The following MACROD2 variants were observed in gnomAD, a reference collection of about 807,000 sequenced individuals.
MACROD2 encodes the protein ADP-ribose glycohydrolase MACROD2.
MACROD2 carries 36 observed loss-of-function variants against 70.4 expected under a neutral mutation model. The ratio of observed to expected loss-of-function variants is 0.51; its 90% CI spans 0.39 to 0.68. The LOEUF is 0.68. MACROD2 is among the 30% of genes least tolerant of loss of function. The pLI is 0.00. For synonymous variants in MACROD2, 172 were observed against 178.8 expected, an observed-to-expected ratio of 0.96 and a Z score of 0.30; for missense variants, 496 against 538.4, an observed-to-expected ratio of 0.92 and a Z score of 0.78.
chr20:14,737,301 G>A (rs945479571), intron 5 of MACROD2, among the ~76,000 whole-genome samples: 1 of 152,142 alleles, frequency 6.6e-6, no homozygotes, highest in African/African-American at 2.4e-5. Flanking sequence ...TTTTGTGGCT[G>A]CAGAGTATTC....
intron 3 of MACROD2, among the ~76,000 whole-genome samples, chr20:14,274,140 T>A (rs1169916450): frequency 2.6e-5 from 4 of 152,202 alleles, no homozygotes; most frequent in East Asian, 3.8e-4. Context: ...CCCTAACTCA[T>A]TTTATGAGGC....
chr20:14,121,564 C>A (rs2054589559), intron 3 of MACROD2, among the ~76,000 whole-genome samples: 1 of 152,136 alleles, frequency 6.6e-6, no homozygotes, highest in Non-Finnish European at 1.5e-5. Flanking sequence ...TATTCAGTGA[C>A]CCTTCTATCT....
intron 6 of MACROD2, among the ~76,000 whole-genome samples, chr20:15,346,182 G>A (rs1229240297): frequency 6.6e-6 from 1 of 151,960 alleles, no homozygotes; most frequent in Non-Finnish European, 1.5e-5. Flanking sequence ...AAACTTCTGG[G>A]CTCAAGCAAT....
chr20:15,627,801 T>C (rs2049228117), intron 8 of MACROD2, among the ~76,000 whole-genome samples: 2 of 152,342 alleles, frequency 1.3e-5, no homozygotes, highest in Non-Finnish European at 2.9e-5. Flanking sequence ...TGGCCTTTCA[T>C]TAGCTTTACA....
chr20:14,138,627 G>T (rs2054830662), intron 3 of MACROD2, among the ~76,000 whole-genome samples: 1 of 152,028 alleles, frequency 6.6e-6, no homozygotes, highest in African/African-American at 2.4e-5. Context: ...CTGGGTGGGG[G>T]GAAAATGGGA....
chr20:14,783,925 T>C (rs1296932215), intron 5 of MACROD2, among the ~76,000 whole-genome samples: 5 of 152,170 alleles, frequency 3.3e-5, no homozygotes, highest in Non-Finnish European at 5.9e-5. Flanking sequence ...AGACATTAAG[T>C]CCTGAGCACT....
intron 8 of MACROD2, among the ~76,000 whole-genome samples, chr20:15,760,939 G>T (rs1368665058): frequency 6.6e-6 from 1 of 152,206 alleles, no homozygotes; most frequent in Non-Finnish European, 1.5e-5. Context: ...GAGTTTAAAT[G>T]AAACCTAGAA....
intron 12 of MACROD2, among the ~76,000 whole-genome samples, chr20:15,953,314 T>C (rs532607175): frequency 1.3e-5 from 2 of 152,272 alleles, no homozygotes; most frequent in East Asian, 1.9e-4. Context: ...ATAGGATGAA[T>C]ATAGTTAACA....
At chr20:14,799,242 C>T (rs1259429571) in intron 5 of MACROD2, among the ~76,000 whole-genome samples, 1 of 151,846 alleles carries the variant, frequency 6.6e-6, no homozygotes, top group African/African-American at 2.4e-5. Context: ...TCATTTTTCC[C>T]TTTGTATCCC....
intron 6 of MACROD2, among the ~76,000 whole-genome samples, chr20:15,408,625 T>C (rs1568784727): frequency 6.6e-6 from 1 of 152,120 alleles, no homozygotes; most frequent in African/African-American, 2.4e-5. Flanking sequence ...CTGAGATCAG[T>C]GGAATAAAAC....
chr20:14,056,547 A>T (rs1182375353), intron 2 of MACROD2, among the ~76,000 whole-genome samples: 1 of 151,774 alleles, frequency 6.6e-6, no homozygotes, highest in South Asian at 2.1e-4. Context: ...TGTTTTTGTT[A>T]TTTTCTAGAT....
intron 6 of MACROD2, among the ~76,000 whole-genome samples, chr20:15,418,896 A>G (rs1038578718): frequency 3.9e-5 from 6 of 152,078 alleles, no homozygotes; most frequent in Admixed American, 6.5e-5. Flanking sequence ...CCTTCTTACC[A>G]AGACTAGCTG....
At chr20:14,906,220 G>A (rs572891800) in intron 5 of MACROD2, among the ~76,000 whole-genome samples, 93 of 152,264 alleles carry the variant, frequency 6.1e-4, no homozygotes, top group African/African-American at 2.2e-3. Flanking sequence ...CAAGCTGTGC[G>A]TGTTAGCTCA....
intron 6 of MACROD2, among the ~76,000 whole-genome samples, chr20:15,311,674 A>G (rs2077754169): frequency 6.6e-6 from 1 of 152,216 alleles, no homozygotes; most frequent in South Asian, 2.1e-4. Flanking sequence ...TAAGCGTATT[A>G]ACTCAGTTAC....
chr20:15,958,282 T>G (rs924073487), intron 12 of MACROD2, among the ~76,000 whole-genome samples: 5 of 152,156 alleles, frequency 3.3e-5, no homozygotes, highest in African/African-American at 4.8e-5. Flanking sequence ...CAAGTGACCC[T>G]TCCCACCACC....
intron 8 of MACROD2, among the ~76,000 whole-genome samples, chr20:15,597,290 T>G (rs2146680413): frequency 6.6e-6 from 1 of 152,330 alleles, no homozygotes; most frequent in African/African-American, 2.4e-5. Flanking sequence ...GCCTGAGGCG[T>G]GTCTCCACAT....
At chr20:14,765,856 C>G (rs13042270) in intron 5 of MACROD2, among the ~76,000 whole-genome samples, 1 of 152,022 alleles carries the variant, frequency 6.6e-6, no homozygotes, top group African/African-American at 2.4e-5. Flanking sequence ...TGAAGTCCAC[C>G]TCGAAAGCCT....
chr20:14,564,501 A>G (rs1393560546), intron 4 of MACROD2, among the ~76,000 whole-genome samples: 1 of 151,996 alleles, frequency 6.6e-6, no homozygotes, highest in Non-Finnish European at 1.5e-5. Flanking sequence ...TAACTCAACA[A>G]GAAAAAAACA....
intron 2 of MACROD2, among the ~76,000 whole-genome samples, chr20:14,081,451 T>C (rs1195807647): frequency 6.6e-6 from 1 of 152,216 alleles, no homozygotes; most frequent in Non-Finnish European, 1.5e-5. Flanking sequence ...AAATATATAA[T>C]ATGAAAGAGC....
Sources: allele counts gnomAD v4.1 joint callset (sites outside exome capture counted in the v4.1 genomes callset), GRCh38; gene constraint gnomAD v4.1.1; transcripts MANE v1.5; gene names NCBI Gene and HGNC (gene_info 2026-07-23, HGNC 2026-07-21).